Variants in DLG1 observed in about 807,000 individuals in gnomAD.
DLG1 encodes the protein discs large MAGUK scaffold protein 1.
Under a neutral mutation model 123.4 loss-of-function variants are expected in DLG1, and 42 were observed. The ratio of observed to expected loss-of-function variants is 0.34; its 90% CI spans 0.27 to 0.44. The LOEUF is 0.44. Among genes scored for constraint, DLG1 ranks in the 20% least tolerant of loss-of-function variants. The pLI is 1.00. For missense variants in DLG1, 942 were observed against 1,082.6 expected, an observed-to-expected ratio of 0.87 and a Z score of 1.82; for synonymous variants, 317 against 356.2, an observed-to-expected ratio of 0.89 and a Z score of 1.24.
At chr3:197,143,200 G>A (rs1486853204) in intron 6 of DLG1, among the ~76,000 whole-genome samples, 3 of 152,088 alleles carry the variant, frequency 2.0e-5, no homozygotes, top group Non-Finnish European at 4.4e-5. Flanking sequence ...CTGCCTAATC[G>A]CTTAGATTAG....
intron 16 of DLG1, among the ~76,000 whole-genome samples, chr3:197,081,602 CA>C (rs1161005084): frequency 4.6e-5 from 7 of 151,804 alleles, no homozygotes; most frequent in Non-Finnish European, 1.0e-4. Context: ...AAACTTTTAA[CA>C]AAAAGGTGGA....
chr3:197,294,706 C>T lies in DLG1; in HGVS notation c.151+1640G>A, dbSNP rs138412645. Reference sequence around the variant, plus strand: ...GAAGAAAGCTAACTCTATCAAAGTTCAATTGTACGTAAGAATAGACACATT... The same window carrying T: ...GAAGAAAGCTAACTCTATCAAAGTTTAATTGTACGTAAGAATAGACACATT... On this transcript the variant is annotated intron_variant, in intron 3 of 24. Coordinates refer to ENST00000667157, the MANE Select transcript of DLG1 (RefSeq NM_001366207.1). Among the ~76,000 whole-genome samples the T allele has an allele frequency of 6.0e-3, 896 of 149,058 alleles. 6 individuals are homozygous for T. Among genetic ancestry groups the T allele is most frequent in the South Asian group, 0.022 (102 of 4,680 alleles).
At chr3:197,126,731 T>C (rs534230662) in intron 11 of DLG1, among the ~76,000 whole-genome samples, 2 of 152,264 alleles carry the variant, frequency 1.3e-5, no homozygotes, top group South Asian at 4.2e-4. Context: ...TCCCTGTACA[T>C]CAGACAGGTT....
chr3:197,129,663 A>T (rs1265088182), intron 11 of DLG1, among the ~76,000 whole-genome samples: 1 of 152,178 alleles, frequency 6.6e-6, no homozygotes, highest in Non-Finnish European at 1.5e-5. Context: ...CACTAAGTTA[A>T]ATCTTTTTGA....
At chr3:197,293,183 A>G (rs1245242758) in intron 3 of DLG1, among the ~76,000 whole-genome samples, 1 of 152,246 alleles carries the variant, frequency 6.6e-6, no homozygotes, top group Non-Finnish European at 1.5e-5. Flanking sequence ...CCTTTATACA[A>G]AAATAATCAC....
intron 14 of DLG1, among the ~76,000 whole-genome samples, chr3:197,099,899 G>A (rs1323809530): frequency 2.6e-5 from 4 of 152,146 alleles, no homozygotes; most frequent in African/African-American, 9.7e-5. Context: ...TGGCATACTC[G>A]GAGGATTAGT....
chr3:197,168,307 C>A (rs868181021), intron 5 of DLG1, among the ~76,000 whole-genome samples: 3 of 152,320 alleles, frequency 2.0e-5, no homozygotes, highest in Middle Eastern at 3.4e-3. Flanking sequence ...CTGAGAAAGT[C>A]AACGACGCAT....
intron 5 of DLG1, among the ~76,000 whole-genome samples, chr3:197,159,029 A>G (rs548475455): frequency 2.0e-5 from 3 of 152,324 alleles, no homozygotes; most frequent in East Asian, 3.9e-4. Flanking sequence ...AAGAAGAACT[A>G]GTAACTGTCA....
At chr3:197,278,282 C>CAAA (rs71164203) in intron 4 of DLG1, among the ~76,000 whole-genome samples, 20 of 37,526 alleles carry the variant, frequency 5.3e-4, no homozygotes, top group South Asian at 5.2e-3. Flanking sequence ...GACTCTGTCC[C>CAAA]AAAAAAAAAA....
intron 4 of DLG1, among the ~76,000 whole-genome samples, chr3:197,216,928 G>GC (rs1412492435): frequency 1.3e-5 from 2 of 152,112 alleles, no homozygotes; most frequent in Non-Finnish European, 2.9e-5. Flanking sequence ...AATAAAGATA[G>GC]CAACACTGTA....
intron 6 of DLG1, among the ~76,000 whole-genome samples, chr3:197,143,788 G>A (rs1485574590): frequency 2.0e-5 from 3 of 152,018 alleles, no homozygotes; most frequent in Non-Finnish European, 4.4e-5. Context: ...TCGACATCTG[G>A]AATTTTGTGC....
intron 15 of DLG1, among the ~76,000 whole-genome samples, chr3:197,089,578 A>G (rs1756536872): frequency 6.6e-6 from 1 of 151,880 alleles, no homozygotes; most frequent in Non-Finnish European, 1.5e-5. Flanking sequence ...CTCTAAAAAT[A>G]ACAAGTGAAG....
At chr3:197,062,994 A>C (rs927957318) in intron 22 of DLG1, among the ~76,000 whole-genome samples, 2 of 151,964 alleles carry the variant, frequency 1.3e-5, no homozygotes, top group South Asian at 4.1e-4. Flanking sequence ...TCAACCCTAG[A>C]ATATATATTA....
At chr3:197,280,074 C>G (rs966109018) in intron 4 of DLG1, among the ~76,000 whole-genome samples, 2 of 152,144 alleles carry the variant, frequency 1.3e-5, no homozygotes, top group African/African-American at 2.4e-5. Context: ...TGCTACTGAA[C>G]AGTAGAATGT....
intron 5 of DLG1, among the ~76,000 whole-genome samples, chr3:197,150,365 G>A (rs947370456): frequency 2.6e-5 from 4 of 151,994 alleles, no homozygotes; most frequent in Non-Finnish European, 4.4e-5. Context: ...AATTAACAGT[G>A]ATTTATTACA....
chr3:197,228,153 T>G (rs1481465879), intron 4 of DLG1, among the ~76,000 whole-genome samples: 6 of 152,234 alleles, frequency 3.9e-5, no homozygotes, highest in Admixed American at 3.9e-4. Context: ...CTATAACAAT[T>G]TATTTATCCA....
intron 14 of DLG1, among the ~76,000 whole-genome samples, chr3:197,097,580 C>CTTTT (rs3051908): frequency 4.9e-4 from 60 of 122,802 alleles, no homozygotes; most frequent in East Asian, 1.9e-3. Flanking sequence ...TTTGTACTTT[C>CTTTT]TTTTTTTTTT....
intron 13 of DLG1, among the ~76,000 whole-genome samples, chr3:197,109,266 A>C (rs190996435): frequency 2.1e-4 from 32 of 152,342 alleles, no homozygotes; most frequent in African/African-American, 7.5e-4. Flanking sequence ...GCTACTCGGG[A>C]GGCTGAGGCA....
At chr3:197,288,447 C>A (rs1398644471) in intron 3 of DLG1, among the ~76,000 whole-genome samples, 1 of 150,462 alleles carries the variant, frequency 6.6e-6, no homozygotes, top group Non-Finnish European at 1.5e-5. Flanking sequence ...TCTGGCCAGG[C>A]ACAGTGGTTC....
Sources: allele counts gnomAD v4.1 joint callset (sites outside exome capture counted in the v4.1 genomes callset), GRCh38; gene constraint gnomAD v4.1.1; transcripts MANE v1.5; gene names NCBI Gene and HGNC (gene_info 2026-07-23, HGNC 2026-07-21).